The following CDKL5 variants were observed in gnomAD, a reference collection of about 807,000 sequenced individuals.
CDKL5 encodes cyclin-dependent kinase-like 5.
Under a neutral mutation model 61.7 loss-of-function variants are expected in CDKL5, and 8 were observed. The observed-to-expected ratio is 0.13, with a 90% confidence interval of 0.08 to 0.23. The LOEUF is 0.23. CDKL5 is among the 10% of genes least tolerant of loss of function. CDKL5 has a pLI of 1.00. For synonymous variants in CDKL5, 275 were observed against 272.3 expected, an observed-to-expected ratio of 1.01 and a Z score of -0.10; for missense variants, 440 against 734.5, an observed-to-expected ratio of 0.60 and a Z score of 4.63.
chrX:18,604,347 C>G lies in CDKL5; in HGVS notation c.1423C>G (p.Gln475Glu). ...GCATAGCTATATTGACACAATTCCC[C>G]AGTCCTCTAGGAGTCCCTCCTACAG... ...SRHSYIDTIP[Q>E]SSRSPSYRTK... Residue 475 changes from glutamine (Q) to glutamate (E), a missense_variant, in exon 12 of 18, where the codon CAG becomes GAG. Gln to Glu is a conservative substitution (Grantham distance 29). This residue lies in a region of CDKL5 where 363 missense variants were observed against 516.3 expected (regional missense o/e 0.70). Coordinates refer to ENST00000623535, the MANE Select transcript of CDKL5 (RefSeq NM_001323289.2). 8.3e-7 allele frequency: 1 copy of G among 1,209,543 alleles called. No individual in the cohort carries two copies. Among genetic ancestry groups the G allele is most frequent in the Non-Finnish European group, 1.1e-6 (1 of 894,000 alleles).
At chrX:18,487,241 A>G (rs1422889068) in intron 1 of CDKL5, among the ~76,000 whole-genome samples, 2 of 112,364 alleles carry the variant, frequency 1.8e-5, no homozygotes, top group Non-Finnish European at 1.9e-5. Flanking sequence ...GAGAGGTAGA[A>G]GTGGCTTTGC....
At chrX:18,550,870 C>T (rs1171554652) in intron 3 of CDKL5, among the ~76,000 whole-genome samples, 1 of 112,917 alleles carries the variant, frequency 8.9e-6, no homozygotes, top group Admixed American at 9.3e-5. Flanking sequence ...GCATCACTGC[C>T]ATGTAGTCTT....
rs2147161126 is a variant in CDKL5, at chrX:18,604,690, A to G, written c.1766A>G (p.His589Arg). Residue 589 changes from histidine (H) to arginine (R), a missense_variant, in exon 12 of 18, where the codon CAC becomes CGC. Physicochemically the swap from His to Arg is conservative, Grantham distance 29. Transcript: ENST00000623535. ...CATTCCCATTCACTGTCTGCACCTC[A>G]CGAATCTTTTTCTTATGGACTGGGC... is the stretch of plus-strand genomic sequence containing the variant. ...SSHSHSLSAP[H>R]ESFSYGLGYT... 8.3e-7 allele frequency: 1 copy of G among 1,211,552 alleles called. No individual in the cohort carries two copies. Among genetic ancestry groups the G allele is most frequent in the East Asian group, 3.0e-5 (1 of 33,836 alleles).
rs140939459 is a variant in CDKL5 at position 18,503,932 on chromosome X, A to G, written c.-162-3003A>G. Among the ~76,000 whole-genome samples the G allele has an allele frequency of 8.6e-3, 952 of 111,012 alleles. 9 individuals are homozygous for G. Among genetic ancestry groups the G allele is most frequent in the African/African-American group, 0.029 (891 of 30,543 alleles). ...TAGTTTTTGTAGTTTTTCTAGAGAA[A>G]GGGTTTCACCACATTTCCTAGGCTG... On this transcript the variant is annotated intron_variant, in intron 1 of 17. Transcript: ENST00000623535.
At chrX:18,600,272 A>G (rs1329129743) in intron 11 of CDKL5, among the ~76,000 whole-genome samples, 1 of 111,931 alleles carries the variant, frequency 8.9e-6, no homozygotes, top group Non-Finnish European at 1.9e-5. Context: ...GACTGGTTTC[A>G]GTTTGTTTCC....
intron 3 of CDKL5, among the ~76,000 whole-genome samples, chrX:18,553,465 C>CGTGTGTGTGTGT (rs201802099): frequency 1.1e-4 from 10 of 90,831 alleles, no homozygotes; most frequent in African/African-American, 4.0e-4. Flanking sequence ...TGTGTGTGTG[C>CGTGTGTGTGTGT]GTGTGTGTGT....
chrX:18,597,802 G>A (rs1049629279), intron 10 of CDKL5, among the ~76,000 whole-genome samples: 30 of 109,647 alleles, frequency 2.7e-4, no homozygotes, highest in African/African-American at 9.3e-4. Context: ...CACCGTGCTG[G>A]TCAGGCTGGT....
rs764432457 is a variant in CDKL5, at chrX:18,634,549, T to G, written c.*5792T>G. The G allele has an allele frequency of 1.3e-6, 1 of 752,693 alleles. No homozygotes were observed. 62.0% of individuals were successfully genotyped at this position (752,693 alleles called of 1,213,427 possible). On this transcript the variant is annotated 3_prime_UTR_variant, in exon 18 of 18. Coordinates refer to ENST00000623535, the MANE Select transcript of CDKL5 (RefSeq NM_001323289.2). The stretch of plus-strand genomic sequence containing the variant: ...TGTAAGTAAGTTCTCCAGCACGGCT[T>G]AGGTTTTCCAAAATGGAAAGCAAAG...
intron 1 of CDKL5, among the ~76,000 whole-genome samples, chrX:18,454,890 A>AT (rs759341960): frequency 0.068 from 5,495 of 80,227 alleles, 304 homozygotes; most frequent in African/African-American, 0.1. Context: ...TCTCAAGTGT[A>AT]TTTTTTTTTT....
chrX:18,630,203 C>T lies in CDKL5; in HGVS notation c.*1446C>T. Reference sequence around the variant, plus strand: ...GCACACCTGTTACGCACACAACCCCCATCAGAACAGGACCTATCTTCCCCT... The same window carrying T: ...GCACACCTGTTACGCACACAACCCCTATCAGAACAGGACCTATCTTCCCCT... On this transcript the variant is annotated 3_prime_UTR_variant, in exon 18 of 18. Coordinates refer to ENST00000623535, the MANE Select transcript of CDKL5 (RefSeq NM_001323289.2). 11 of 753,531 alleles carry T rather than the reference C, an allele frequency of 1.5e-5. No homozygotes were observed. The highest frequency in any genetic ancestry group is 1.7e-5 in the Non-Finnish European group (11 of 639,066). The allele number at this position is 753,531 out of a possible 1,213,427, so 62.1% of individuals were successfully genotyped here. A position where few individuals can be genotyped will look rare whatever the true frequency, so the allele number is the denominator to read the frequency against.
intron 13 of CDKL5, 118 bp downstream of exon 13, chrX:18,609,030 A>G: frequency 9.2e-6 from 5 of 542,405 alleles, no homozygotes; most frequent in Non-Finnish European, 1.6e-5. Context: ...TAAAGTAAGT[A>G]GTTTTCCTTG....
At chrX:18,649,678 C>A (rs1056818605) in intron 20 of CDKL5, among the ~76,000 whole-genome samples, 1 of 111,951 alleles carries the variant, frequency 8.9e-6, no homozygotes, top group African/African-American at 3.2e-5. Flanking sequence ...CACCCCAGAG[C>A]AATTGCATTT....
intron 13 of CDKL5, 86 bp from the exon 14 acceptor site, chrX:18,609,378 AG>A: frequency 8.4e-7 from 1 of 1,194,217 alleles, no homozygotes; most frequent in Non-Finnish European, 1.1e-6. Context: ...TGGGCAATAG[AG>A]TGAGACCCTG....
chrX:18,454,890 A>ATTTTT (rs759341960), intron 1 of CDKL5, among the ~76,000 whole-genome samples: 2 of 80,264 alleles, frequency 2.5e-5, no homozygotes, highest in African/African-American at 4.8e-5. Flanking sequence ...TCTCAAGTGT[A>ATTTTT]TTTTTTTTTT....
At chrX:18,601,413 A>G (rs1317596247) in intron 11 of CDKL5, among the ~76,000 whole-genome samples, 2 of 112,844 alleles carry the variant, frequency 1.8e-5, no homozygotes, top group African/African-American at 6.4e-5. Context: ...TTCTGCAACC[A>G]TTTAAGAAGA....
Position 18,517,107 on chromosome X carries a change from G to A in CDKL5, c.99+6253G>A, listed in dbSNP as rs1699865712. Among the ~76,000 whole-genome samples the A allele has an allele frequency of 2.7e-5, 3 of 111,771 alleles. No individual in the cohort carries two copies. The Admixed American group carries it at 2.9e-4, about 11-fold the overall frequency. On this transcript the variant is annotated intron_variant, in intron 3 of 17. Transcript: ENST00000623535. The stretch of plus-strand genomic sequence containing the variant: ...CTGTTTGCCTTTATCCTCATCATCC[G>A]AATCTACATTTAGTTTATTGTTTGT...
At chrX:18,514,589 C>T (rs1410152743) in intron 3 of CDKL5, among the ~76,000 whole-genome samples, 1 of 107,942 alleles carries the variant, frequency 9.3e-6, no homozygotes, top group Admixed American at 1.0e-4. Context: ...TGCTTTTAGT[C>T]CCAGCTACTC....
At chrX:18,459,641 C>G (rs1042530350) in intron 1 of CDKL5, among the ~76,000 whole-genome samples, 5 of 106,838 alleles carry the variant, frequency 4.7e-5, no homozygotes, top group African/African-American at 6.8e-5. Context: ...ATGGATGGTT[C>G]TGCAGGCTTT....
intron 5 of CDKL5, among the ~76,000 whole-genome samples, chrX:18,579,374 T>C (rs746452008): frequency 9.9e-4 from 111 of 111,701 alleles, no homozygotes; most frequent in African/African-American, 3.5e-3. Context: ...ACTAAATGTA[T>C]TGATCATTTT....
Sources: allele counts gnomAD v4.1 joint callset (sites outside exome capture counted in the v4.1 genomes callset), GRCh38; gene constraint gnomAD v4.1.1; regional missense constraint gnomAD v4.1.1; transcripts MANE v1.5; gene names NCBI Gene and HGNC (gene_info 2026-07-23, HGNC 2026-07-21).